Variants in DLGAP1 observed in about 807,000 individuals in gnomAD.
The protein encoded by DLGAP1 is disks large-associated protein 1.
DLGAP1 carries 11 observed loss-of-function variants against 90.8 expected under a neutral mutation model. The ratio of observed to expected loss-of-function variants is 0.12; its 90% CI spans 0.08 to 0.20. DLGAP1 has a LOEUF of 0.20. DLGAP1 is among the 10% of genes least tolerant of loss of function. DLGAP1 has a pLI of 1.00. For synonymous variants in DLGAP1, 558 were observed against 540.7 expected (o/e 1.03, Z -0.44); for missense variants, 1,050 against 1,333.8 (o/e 0.79, Z 3.31).
At chr18:4,250,763 G>A (rs1388336689) in intron 1 of DLGAP1, among the ~76,000 whole-genome samples, 3 of 152,138 alleles carry the variant, frequency 2.0e-5, no homozygotes, top group African/African-American at 7.2e-5. Flanking sequence ...GTGTGTGGAA[G>A]TGAACTTATA....
intron 3 of DLGAP1, among the ~76,000 whole-genome samples, chr18:3,975,974 C>T (rs530702151): frequency 3.6e-4 from 55 of 151,938 alleles, no homozygotes; most frequent in African/African-American, 5.8e-4. Flanking sequence ...CTTGGGAAGA[C>T]GAACAGGTTC....
At chr18:3,873,621 C>G (rs2070885624) in intron 4 of DLGAP1, among the ~76,000 whole-genome samples, 1 of 152,066 alleles carries the variant, frequency 6.6e-6, no homozygotes, top group Non-Finnish European at 1.5e-5. Context: ...GGAAAGAAAA[C>G]TCCCACTGGG....
chr18:4,374,238 A>C (rs2081973560), intron 1 of DLGAP1, among the ~76,000 whole-genome samples: 1 of 152,170 alleles, frequency 6.6e-6, no homozygotes, highest in Non-Finnish European at 1.5e-5. Context: ...TGCTTCCAAA[A>C]TTCGTAAGAA....
chr18:3,563,585 T>C (rs1185680399), intron 9 of DLGAP1, among the ~76,000 whole-genome samples: 2 of 152,048 alleles, frequency 1.3e-5, no homozygotes, highest in Non-Finnish European at 1.5e-5. Flanking sequence ...TTCTCCTACC[T>C]CATCCTCCCA....
chr18:4,310,721 C>A (rs929534708), intron 1 of DLGAP1, among the ~76,000 whole-genome samples: 1 of 152,174 alleles, frequency 6.6e-6, no homozygotes, highest in Non-Finnish European at 1.5e-5. Context: ...GGTAAGAGCA[C>A]AAGATACTTA....
intron 3 of DLGAP1, among the ~76,000 whole-genome samples, chr18:3,930,293 A>G (rs571580345): frequency 6.6e-6 from 1 of 152,292 alleles, no homozygotes; most frequent in South Asian, 2.1e-4. Context: ...GTTGCTGAGT[A>G]GTTGCCATGG....
intron 2 of DLGAP1, among the ~76,000 whole-genome samples, chr18:4,129,108 C>T (rs1478059486): frequency 2.0e-5 from 3 of 151,996 alleles, no homozygotes; most frequent in South Asian, 2.1e-4. Flanking sequence ...ATTATTTACA[C>T]CTAATTATTA....
At chr18:4,016,622 T>C (rs2074527407) in intron 2 of DLGAP1, among the ~76,000 whole-genome samples, 1 of 152,202 alleles carries the variant, frequency 6.6e-6, no homozygotes, top group Non-Finnish European at 1.5e-5. Flanking sequence ...TCAAGTTCAT[T>C]TTGAAGCACA....
At chr18:4,159,558 A>G (rs1009760642) in intron 1 of DLGAP1, among the ~76,000 whole-genome samples, 1 of 152,178 alleles carries the variant, frequency 6.6e-6, no homozygotes, top group Non-Finnish European at 1.5e-5. Context: ...TTTTCTCAGT[A>G]AAATGAAAGC....
At chr18:3,836,025 A>G (rs2148597492) in intron 4 of DLGAP1, among the ~76,000 whole-genome samples, 1 of 152,368 alleles carries the variant, frequency 6.6e-6, no homozygotes, top group East Asian at 1.9e-4. Context: ...AAAAATGAGA[A>G]GTGATTAATA....
At chr18:3,768,461 G>A (rs1428436975) in intron 5 of DLGAP1, among the ~76,000 whole-genome samples, 1 of 152,044 alleles carries the variant, frequency 6.6e-6, no homozygotes, top group African/African-American at 2.4e-5. Flanking sequence ...TTAAAAATTT[G>A]TATGGAAAGT....
At chr18:4,248,723 A>C (rs2078709862) in intron 1 of DLGAP1, 1 of 152,318 alleles carries the variant, frequency 6.6e-6, no homozygotes, top group African/African-American at 2.4e-5. Context: ...TATTCTCAGC[A>C]CAGCAGCAGA....
intron 1 of DLGAP1, among the ~76,000 whole-genome samples, chr18:4,232,423 T>C (rs949777683): frequency 2.0e-5 from 3 of 152,142 alleles, no homozygotes; most frequent in Non-Finnish European, 4.4e-5. Flanking sequence ...AGACTTGTTT[T>C]CTCGATAATG....
intron 10 of DLGAP1, among the ~76,000 whole-genome samples, chr18:3,520,943 G>A (rs148072703): frequency 2.0e-5 from 3 of 152,224 alleles, no homozygotes; most frequent in African/African-American, 4.8e-5. Context: ...TCCCAACAAC[G>A]CTCTCTGGCT....
Position 4,030,847 on chromosome 18 carries a change from G to C in DLGAP1, c.-158-25646C>G, listed in dbSNP as rs190130030. Among the ~76,000 whole-genome samples the C allele has an allele frequency of 7.6e-4, 116 of 152,174 alleles. 1 individual carries two copies. The highest frequency in any genetic ancestry group is 1.2e-3 in the Non-Finnish European group (83 of 67,988). On this transcript the variant is annotated intron_variant, in intron 2 of 12. Coordinates refer to ENST00000315677, the MANE Select transcript of DLGAP1 (RefSeq NM_004746.4). ...TGAGGTGGGAGGATTGCTTGAGCCC[G>C]GGGAGGCGGAGGTTGCAATGAGCTG... is the stretch of plus-strand genomic sequence containing the variant.
intron 7 of DLGAP1, among the ~76,000 whole-genome samples, chr18:3,605,817 G>A (rs1198942103): frequency 4.9e-5 from 3 of 60,968 alleles, no homozygotes; most frequent in Admixed American, 1.3e-4. Context: ...GCTTTTTAGC[G>A]GCAGGAGATT....
intron 2 of DLGAP1, among the ~76,000 whole-genome samples, chr18:4,018,977 T>C (rs917088030): frequency 2.5e-4 from 38 of 152,212 alleles, no homozygotes; most frequent in African/African-American, 8.9e-4. Flanking sequence ...AAGGAAATAA[T>C]TAGTCTGTGT....
At chr18:3,846,388 G>A (rs940235266) in intron 4 of DLGAP1, among the ~76,000 whole-genome samples, 13 of 152,100 alleles carry the variant, frequency 8.5e-5, no homozygotes, top group African/African-American at 3.1e-4. Flanking sequence ...TTAAATGATT[G>A]GTTTGTTTCA....
At chr18:4,322,052 T>C (rs1268950489) in intron 1 of DLGAP1, among the ~76,000 whole-genome samples, 2 of 151,814 alleles carry the variant, frequency 1.3e-5, no homozygotes, top group African/African-American at 4.8e-5. Flanking sequence ...ATACAAAATT[T>C]ATCCAGGTGT....
Sources: allele counts gnomAD v4.1 joint callset (sites outside exome capture counted in the v4.1 genomes callset), GRCh38; gene constraint gnomAD v4.1.1; transcripts MANE v1.5; gene names NCBI Gene and HGNC (gene_info 2026-07-23, HGNC 2026-07-21).